The following DENND1A variants were observed in gnomAD, a reference collection of about 807,000 sequenced individuals.
DENND1A encodes DENN domain containing 1A.
In DENND1A, 51 loss-of-function variants were observed where a neutral mutation model predicts 113.7. The observed-to-expected ratio is 0.45, with a 90% CI of 0.36 to 0.57. The LOEUF (loss-of-function observed/expected upper bound fraction) is 0.57. DENND1A is among the 20% of genes least tolerant of loss of function. The pLI, the probability that DENND1A is intolerant of heterozygous loss-of-function variation, is 0.00. For missense variants in DENND1A, 1,258 were observed against 1,395.9 expected (o/e 0.90, Z 1.57); for synonymous variants, 565 against 570.8 (o/e 0.99, Z 0.14).
rs139407207 is a variant in DENND1A at position 123,587,175 on chromosome 9, T to C, written c.766-3905A>G. On this transcript the variant is annotated intron_variant, in intron 11 of 23. Transcript: ENST00000394215. ...AGGTTAGTGAGGGATTTAGGGTCAT[T>C]TGATTATGCGGTGAGATGGTCACAT... Among the ~76,000 whole-genome samples, 68 of 152,188 alleles carry C rather than the reference T, an allele frequency of 4.5e-4. 1 individual carries two copies. Among genetic ancestry groups the C allele is most frequent in the South Asian group, 3.7e-3 (18 of 4,808 alleles).
intron 13 of DENND1A, among the ~76,000 whole-genome samples, chr9:123,500,450 A>C (rs2052372949): frequency 1.3e-5 from 2 of 152,226 alleles, no homozygotes; most frequent in South Asian, 2.1e-4. Flanking sequence ...TATTCAGTCC[A>C]AGAAAGAAAA....
intron 20 of DENND1A, among the ~76,000 whole-genome samples, chr9:123,410,277 C>T (rs1217428460): frequency 7.9e-5 from 12 of 152,182 alleles, no homozygotes; most frequent in Non-Finnish European, 1.2e-4. Flanking sequence ...CTAGCTCTGT[C>T]GGCCCCCCAA....
chr9:123,792,961 C>T (rs1833223601), intron 2 of DENND1A, among the ~76,000 whole-genome samples: 1 of 152,212 alleles, frequency 6.6e-6, no homozygotes, highest in South Asian at 2.1e-4. Flanking sequence ...CTTTTCTTCT[C>T]TAATCAGAAG....
intron 3 of DENND1A, among the ~76,000 whole-genome samples, chr9:123,771,919 C>T (rs1829793442): frequency 6.6e-6 from 1 of 152,058 alleles, no homozygotes; most frequent in Non-Finnish European, 1.5e-5. Context: ...CATGTTGGTA[C>T]ATTACAATAT....
rs148426755 is a variant in DENND1A at position 123,678,182 on chromosome 9, C to G, written c.303-1393G>C. ...GCATGTCTGTTTTCTCAACAGACCA[C>G]ATGCAAACAGAGAGGAAGGGGCCTA... On this transcript the variant is annotated intron_variant, in intron 5 of 23. Coordinates refer to ENST00000394215, the MANE Select transcript of DENND1A (RefSeq NM_001352964.2). 2.4e-3 allele frequency among the ~76,000 whole-genome samples: 365 copies of G among 152,294 alleles called. 4 individuals carry two copies. Among genetic ancestry groups the G allele is most frequent in the African/African-American group, 8.3e-3 (343 of 41,556 alleles).
At chr9:123,515,249 T>G (rs902448972) in intron 13 of DENND1A, among the ~76,000 whole-genome samples, 1 of 152,236 alleles carries the variant, frequency 6.6e-6, no homozygotes, top group Admixed American at 6.5e-5. Context: ...AGATTGTCTA[T>G]TAGGTTGGTG....
chr9:123,660,351 T>G (rs2063168315), intron 8 of DENND1A, among the ~76,000 whole-genome samples: 1 of 152,088 alleles, frequency 6.6e-6, no homozygotes, highest in African/African-American at 2.4e-5. Flanking sequence ...ATTGGTTCAT[T>G]AGTAGCAAAA....
At chr9:123,616,597 G>T (rs1369456928) in intron 10 of DENND1A, among the ~76,000 whole-genome samples, 2 of 152,224 alleles carry the variant, frequency 1.3e-5, no homozygotes, top group Non-Finnish European at 2.9e-5. Flanking sequence ...CTGTGGCAAG[G>T]TTAGTGTTTC....
rs999788377 is a variant in DENND1A, at chr9:123,434,445, A to G, written c.1488+5915T>C. 3.3e-5 allele frequency among the ~76,000 whole-genome samples: 5 copies of G among 152,256 alleles called. No individual in the cohort carries two copies. The South Asian group carries it at 6.2e-4, about 19-fold the overall frequency. ...TTACAAGCATAGCAACAGAAATGAA[A>G]CCAAATAACTTGCTGAATGCACAGC... On this transcript the variant is annotated intron_variant, in intron 19 of 23. Transcript: ENST00000394215.
intron 8 of DENND1A, among the ~76,000 whole-genome samples, chr9:123,662,263 C>G (rs1181039654): frequency 1.3e-5 from 2 of 152,160 alleles, no homozygotes; most frequent in Admixed American, 1.3e-4. Flanking sequence ...TATACCCAGT[C>G]AAACTATCAA....
intron 5 of DENND1A, among the ~76,000 whole-genome samples, chr9:123,730,677 C>T (rs1015496239): frequency 3.3e-5 from 5 of 152,140 alleles, no homozygotes; most frequent in African/African-American, 1.2e-4. Flanking sequence ...ATGAGTTCAA[C>T]CATTGTGGAA....
At chr9:123,780,757 T>C (rs990865137) in intron 3 of DENND1A, among the ~76,000 whole-genome samples, 3 of 152,162 alleles carry the variant, frequency 2.0e-5, no homozygotes, top group Admixed American at 2.0e-4. Context: ...AACTAACCTA[T>C]TTAGACTTTA....
chr9:123,806,900 T>C (rs1210088341), intron 2 of DENND1A, among the ~76,000 whole-genome samples: 1 of 152,216 alleles, frequency 6.6e-6, no homozygotes, highest in Admixed American at 6.5e-5. Flanking sequence ...ATGTCCTCAC[T>C]CTATACCCTA....
At chr9:123,844,123 C>G (rs1590333161) in intron 2 of DENND1A, among the ~76,000 whole-genome samples, 2 of 151,948 alleles carry the variant, frequency 1.3e-5, no homozygotes, top group Admixed American at 1.3e-4. Flanking sequence ...CATAATTATG[C>G]CAAAAGACTA....
chr9:123,630,258 C>G, intron 10 of DENND1A, 118 bp downstream of exon 10: 1 of 159,478 alleles, frequency 6.3e-6, no homozygotes, highest in Non-Finnish European at 1.2e-5. Flanking sequence ...TTTGTCCAGG[C>G]TGGATGAAGT....
chr9:123,807,830 T>A (rs1033059824), intron 2 of DENND1A, among the ~76,000 whole-genome samples: 3 of 152,202 alleles, frequency 2.0e-5, no homozygotes, highest in African/African-American at 7.2e-5. Context: ...ACAAGGTAAG[T>A]GTTGCTATCC....
chr9:123,432,798 A>G (rs116091501), intron 19 of DENND1A, among the ~76,000 whole-genome samples: 419 of 152,258 alleles, frequency 2.8e-3, no homozygotes, highest in African/African-American at 9.4e-3. Flanking sequence ...TTCTTTCCAC[A>G]TGTTTGACTC....
At chr9:123,824,030 C>A (rs1430853045) in intron 2 of DENND1A, among the ~76,000 whole-genome samples, 1 of 152,104 alleles carries the variant, frequency 6.6e-6, no homozygotes, top group Non-Finnish European at 1.5e-5. Flanking sequence ...TGAAATCTGG[C>A]CAGGTCTATT....
At chr9:123,614,844 A>T (rs2060574039) in intron 10 of DENND1A, among the ~76,000 whole-genome samples, 2 of 152,238 alleles carry the variant, frequency 1.3e-5, no homozygotes, top group Admixed American at 6.5e-5. Flanking sequence ...GGCAAAGGGG[A>T]TCCCACAGTC....
Sources: allele counts gnomAD v4.1 joint callset (sites outside exome capture counted in the v4.1 genomes callset), GRCh38; gene constraint gnomAD v4.1.1; transcripts MANE v1.5; gene names NCBI Gene and HGNC (gene_info 2026-07-23, HGNC 2026-07-21).